Variants in TCEANC2 observed in about 807,000 individuals in gnomAD.
TCEANC2 encodes transcription elongation factor A N-terminal and central domain-containing protein 2.
TCEANC2 carries 20 observed loss-of-function variants against 22.8 expected under a neutral mutation model. That is an observed-to-expected ratio of 0.88 (90% confidence interval 0.62 to 1.28). TCEANC2 has a LOEUF of 1.28. Ranked by LOEUF, TCEANC2 falls within the 50% of genes most tolerant of loss-of-function variation. The pLI, the probability that TCEANC2 is intolerant of heterozygous loss-of-function variation, is 0.00. For synonymous variants in TCEANC2, 84 were observed against 95.5 expected, an observed-to-expected ratio of 0.88 and a Z score of 0.70; for missense variants, 251 against 249.7, an observed-to-expected ratio of 1.01 and a Z score of -0.03.
chr1:54,067,499 C>T (rs1657980052), intron 2 of TCEANC2, among the ~76,000 whole-genome samples: 1 of 152,238 alleles, frequency 6.6e-6, no homozygotes, highest in South Asian at 2.1e-4. Context: ...CCAGGTAGTA[C>T]TAAAACCTGA....
chr1:54,061,412 C>T (rs1256475511), intron 2 of TCEANC2, among the ~76,000 whole-genome samples: 1 of 152,252 alleles, frequency 6.6e-6, no homozygotes, highest in South Asian at 2.1e-4. Context: ...CAATAGTTTC[C>T]TCTTTTCATG....
At chr1:54,090,480 G>T (rs1168517588) in intron 4 of TCEANC2, among the ~76,000 whole-genome samples, 1 of 152,092 alleles carries the variant, frequency 6.6e-6, no homozygotes. Context: ...GCAGAATATT[G>T]ATGTAATTAT....
chr1:54,083,123 G>A (rs1050437958), intron 3 of TCEANC2, among the ~76,000 whole-genome samples: 1 of 152,170 alleles, frequency 6.6e-6, no homozygotes, highest in African/African-American at 2.4e-5. Context: ...ATGGTGGGTG[G>A]GTGGTGGTGC....
rs1317770868 is a variant in TCEANC2, at chr1:54,100,961, T to G, written c.*4488T>G. ...CACTTGAGATTCAGTCAATTAGAGG[T>G]TTTTTTTTTTTGACAAATGAAGTTT... On this transcript the variant is annotated 3_prime_UTR_variant, in exon 5 of 5. Coordinates refer to ENST00000234827, the MANE Select transcript of TCEANC2 (RefSeq NM_153035.3). 1 of 142,906 alleles carries G rather than the reference T, an allele frequency of 7.0e-6. No individual in the cohort carries two copies. The highest frequency in any genetic ancestry group is 2.0e-4 in the East Asian group (1 of 5,040). The allele number at this position is 142,906 out of a possible 1,614,324, so 8.9% of individuals were successfully genotyped here.
In TCEANC2 at chr1:54,053,767, C is replaced by T. The variant is rs1476792981; in HGVS notation, c.-43+9C>T. ...CAGGGCTGCTTTTCCTGGTGGGTCT[C>T]ACGTCAGACCGTTGTTGGGTGCCCC... On this transcript the variant is annotated intron_variant, in intron 1 of 4. Coordinates refer to ENST00000234827, the MANE Select transcript of TCEANC2 (RefSeq NM_153035.3). The T allele has an allele frequency of 6.5e-6, 1 of 153,394 alleles. No homozygotes were observed. Among genetic ancestry groups the T allele is most frequent in the Admixed American group, 6.5e-5 (1 of 15,338 alleles). The allele number at this position is 153,394 out of a possible 1,614,324, so 9.5% of individuals were successfully genotyped here.
At chr1:54,063,735 G>A (rs546442738) in intron 2 of TCEANC2, among the ~76,000 whole-genome samples, 14 of 152,224 alleles carry the variant, frequency 9.2e-5, no homozygotes, top group South Asian at 8.3e-4. Flanking sequence ...GGCCCCAACC[G>A]TTTTGGATAA....
At chr1:54,095,756 TAG>T (rs1658534740) in intron 4 of TCEANC2, among the ~76,000 whole-genome samples, 2 of 152,308 alleles carry the variant, frequency 1.3e-5, no homozygotes, top group South Asian at 4.1e-4. Flanking sequence ...CTCTGTCTCT[TAG>T]TAATTGTAAG....
intron 3 of TCEANC2, among the ~76,000 whole-genome samples, chr1:54,073,659 T>C (rs964655377): frequency 1.3e-5 from 2 of 152,188 alleles, no homozygotes; most frequent in African/African-American, 2.4e-5. Context: ...AGGATTATTA[T>C]TGAAGACTTT....
At chr1:54,068,188 T>C (rs1657992926) in intron 2 of TCEANC2, among the ~76,000 whole-genome samples, 1 of 152,226 alleles carries the variant, frequency 6.6e-6, no homozygotes, top group Non-Finnish European at 1.5e-5. Flanking sequence ...ACTTAAACTT[T>C]ATAATGTTTT....
chr1:54,081,813 T>C (rs1658251778), intron 3 of TCEANC2, among the ~76,000 whole-genome samples: 1 of 152,208 alleles, frequency 6.6e-6, no homozygotes, highest in Non-Finnish European at 1.5e-5. Flanking sequence ...GGCATGGCTC[T>C]TGTGGGAGTA....
downstream of TCEANC2, among the ~76,000 whole-genome samples, chr1:54,110,594 A>G (rs941044981): frequency 2.0e-5 from 3 of 152,142 alleles, no homozygotes; most frequent in African/African-American, 7.2e-5. Flanking sequence ...ACAGAGCATA[A>G]CCTTGTCTCA....
At chr1:54,065,180 A>G (rs954526121) in intron 2 of TCEANC2, among the ~76,000 whole-genome samples, 2 of 152,226 alleles carry the variant, frequency 1.3e-5, no homozygotes, top group Non-Finnish European at 2.9e-5. Context: ...CAATGAAAAA[A>G]TATCATTATT....
rs1007415139 is a variant in TCEANC2 at position 54,063,660 on chromosome 1, A to T, written c.103-5096A>T. ...TGGACTTTGAATTTTTGGATTAGGG[A>T]TGCTCAACCAGTACGTATAATGCAA... On this transcript the variant is annotated intron_variant, in intron 2 of 4. Coordinates refer to ENST00000234827, the MANE Select transcript of TCEANC2 (RefSeq NM_153035.3). Among the ~76,000 whole-genome samples, 7 of 152,344 alleles carry T rather than the reference A, an allele frequency of 4.6e-5. No homozygotes were observed. In the South Asian group the frequency reaches 8.3e-4, roughly 18 times the overall value.
At chr1:54,055,785 A>G (rs946727084) in intron 2 of TCEANC2, among the ~76,000 whole-genome samples, 2 of 152,238 alleles carry the variant, frequency 1.3e-5, no homozygotes, top group African/African-American at 4.8e-5. Context: ...AGGAGAGTAT[A>G]AACAGGCCTT....
chr1:54,075,145 C>A (rs1370894388), intron 3 of TCEANC2, among the ~76,000 whole-genome samples: 2 of 152,186 alleles, frequency 1.3e-5, no homozygotes, highest in African/African-American at 4.8e-5. Flanking sequence ...CCTTCCTTGT[C>A]CTATGCCTTA....
At position 54,096,949 on chromosome 1, in the gene TCEANC2, T is replaced by A; in HGVS notation, c.*476T>A. On this transcript the variant is annotated 3_prime_UTR_variant, in exon 5 of 5. Transcript: ENST00000234827. The surrounding 1 kb of genome is among the most constrained non-coding windows in gnomAD (Gnocchi z 4.9). The stretch of plus-strand genomic sequence containing the variant: ...TCCCCTGTCTGTTCTCTTTGCTCTA[T>A]CCCAGGGGTGAGCCTGCGAGAGCCA... The A allele has an allele frequency of 1.0e-6, 1 of 986,318 alleles. No individual in the cohort carries two copies. Among genetic ancestry groups the A allele is most frequent in the Non-Finnish European group, 1.2e-6 (1 of 830,296 alleles). 61.1% of individuals were successfully genotyped at this position (986,318 alleles called of 1,614,324 possible). A position where few individuals can be genotyped will look rare whatever the true frequency, so the allele number is the denominator to read the frequency against.
chr1:54,075,228 AG>A (rs1293730511), intron 3 of TCEANC2, among the ~76,000 whole-genome samples: 1 of 152,244 alleles, frequency 6.6e-6, no homozygotes. Context: ...ATAGGCATTC[AG>A]GTGTATAATA....
chr1:54,059,448 T>C (rs1378301840), intron 2 of TCEANC2, among the ~76,000 whole-genome samples: 2 of 152,156 alleles, frequency 1.3e-5, no homozygotes, highest in East Asian at 3.8e-4. Flanking sequence ...CACCACACTC[T>C]GTCAGGATCT....
At chr1:54,110,569 A>G (rs1658823813), downstream of TCEANC2, among the ~76,000 whole-genome samples, 1 of 152,112 alleles carries the variant, frequency 6.6e-6, no homozygotes, top group African/African-American at 2.4e-5. Flanking sequence ...GCGCCACTGC[A>G]CTCCAGCCTG....
Sources: allele counts gnomAD v4.1 joint callset (sites outside exome capture counted in the v4.1 genomes callset), GRCh38; gene constraint gnomAD v4.1.1; non-coding constraint Gnocchi (gnomAD v3.1); transcripts MANE v1.5; gene names NCBI Gene and HGNC (gene_info 2026-07-23, HGNC 2026-07-21).